The following ADPRH variants were observed in gnomAD, a reference collection of about 807,000 sequenced individuals.
The protein encoded by ADPRH is ADP-ribose-L-arginine cleaving enzyme.
In ADPRH, 27 loss-of-function variants were observed where a neutral mutation model predicts 28.8. That is an observed-to-expected ratio of 0.94 (90% CI 0.69 to 1.29). The LOEUF (loss-of-function observed/expected upper bound fraction) is 1.29, where lower values mean the gene tolerates loss of function less well. Among genes scored for constraint, ADPRH ranks in the 50% most tolerant of loss-of-function variants. The pLI, the probability that ADPRH is intolerant of heterozygous loss-of-function variation, is 0.00. For missense variants in ADPRH, 419 were observed against 444.8 expected (o/e 0.94, Z 0.52); for synonymous variants, 161 against 166.9 (o/e 0.96, Z 0.27).
Position 119,589,365 on chromosome 3 carries a change from T to C in ADPRH, c.*1487T>C, listed in dbSNP as rs1034997335. The C allele has an allele frequency of 1.3e-5, 2 of 152,194 alleles. No individual in the cohort carries two copies. The highest frequency in any genetic ancestry group is 4.8e-5 in the African/African-American group (2 of 41,438). The allele number at this position is 152,194 out of a possible 1,614,324, so 9.4% of individuals were successfully genotyped here. On this transcript the variant is annotated 3_prime_UTR_variant, in exon 5 of 5. Coordinates refer to ENST00000357003, the MANE Select transcript of ADPRH (RefSeq NM_001125.4). ...TTCTCAGGGGTGGGAAGGAAGAGCG[T>C]CCCTTCCTTCTCCTTTTGAGAAAAC...
At chr3:119,586,689 G>T (rs1246187771) in intron 4 of ADPRH, 44 bp downstream of exon 4, 1 of 1,598,774 alleles carries the variant, frequency 6.3e-7, no homozygotes, top group South Asian at 1.1e-5. Flanking sequence ...GGTTGAATCT[G>T]TGCGTGTACA....
rs868109687 is a variant in ADPRH, at chr3:119,588,103, T to C, written c.*225T>C. On this transcript the variant is annotated 3_prime_UTR_variant, in exon 5 of 5. Transcript: ENST00000357003. ...GAGTCCTTTAGCTCAATTGATAGGG[T>C]CAGCGTCTCGCAAGCAAAAAATCTC... 8 of 391,318 alleles carry C rather than the reference T, an allele frequency of 2.0e-5. No individual in the cohort carries two copies. Among genetic ancestry groups the C allele is most frequent in the Middle Eastern group, 6.4e-4 (1 of 1,566 alleles). The allele number at this position is 391,318 out of a possible 1,614,324, so 24.2% of individuals were successfully genotyped here.
Position 119,582,158 on chromosome 3 carries a change from T to G in ADPRH, c.-12T>G. 1 of 1,548,630 alleles carries G rather than the reference T, an allele frequency of 6.5e-7. No individual in the cohort carries two copies. Among genetic ancestry groups the G allele is most frequent in the African/African-American group, 1.4e-5 (1 of 72,792 alleles). ...GACACCCTCTCCAGAGCCCAGCAAT[T>G]GTGAGGGACTGATGGAGAAGTATGT... On this transcript the variant is annotated 5_prime_UTR_variant, in exon 3 of 5. It adds an upstream start codon to the 5' untranslated region. Coordinates refer to ENST00000357003, the MANE Select transcript of ADPRH (RefSeq NM_001125.4).
chr3:119,583,203 T>C (rs2082424249), intron 3 of ADPRH, among the ~76,000 whole-genome samples: 1 of 152,134 alleles, frequency 6.6e-6, no homozygotes, highest in Non-Finnish European at 1.5e-5. Context: ...CATTCCAGCC[T>C]GAGTGACAAA....
chr3:119,588,051 A>G lies in ADPRH; in HGVS notation c.*173A>G, dbSNP rs1296795491. ...TTTTTCAGGCTCATCCTGTTCTTCC[A>G]GAATCTATCCCTTTTCTTACACTGA... On this transcript the variant is annotated 3_prime_UTR_variant, in exon 5 of 5. Transcript: ENST00000357003. The G allele has an allele frequency of 6.7e-6, 4 of 595,508 alleles. No individual in the cohort carries two copies. Among genetic ancestry groups the G allele is most frequent in the African/African-American group, 3.8e-5 (2 of 53,092 alleles). 36.9% of individuals were successfully genotyped at this position (595,508 alleles called of 1,614,324 possible). A position where few individuals can be genotyped will look rare whatever the true frequency, so the allele number is the denominator to read the frequency against.
intron 4 of ADPRH, 48 bp downstream of exon 4, chr3:119,586,693 G>A (rs376149882): frequency 3.2e-5 from 51 of 1,596,592 alleles, no homozygotes; most frequent in South Asian, 2.3e-4. Context: ...GAATCTGTGC[G>A]TGTACATCCA....
Position 119,587,628 on chromosome 3 carries a change from C to G in ADPRH, c.824C>G (p.Pro275Arg). The G allele has an allele frequency of 1.9e-6, 3 of 1,614,192 alleles. No individual in the cohort carries two copies. The highest frequency in any genetic ancestry group is 2.5e-6 in the Non-Finnish European group (3 of 1,180,020). Residue 275 changes from proline (P) to arginine (R), a missense_variant, in exon 5 of 5, where the codon CCC becomes CGC. Transcript: ENST00000357003. Reference protein sequence around the residue: ...GWGGSSGHDAPMIAYDAVLAA... With the variant: ...GWGGSSGHDARMIAYDAVLAA... ...GGTGGCAGCAGTGGGCACGATGCCCCCATGATTGCCTACGATGCTGTTCTT... is the reference window on the plus strand; with the variant it reads ...GGTGGCAGCAGTGGGCACGATGCCCGCATGATTGCCTACGATGCTGTTCTT...
At position 119,586,600 on chromosome 3, in the gene ADPRH, A is replaced by G. The variant is rs1019343750; in HGVS notation, c.614A>G (p.Tyr205Cys). The stretch of plus-strand genomic sequence containing the variant: ...GAGCTGCTACCAGAAGCTAAAAAGT[A>G]CATTGTCCAATCAGGCTACTTTGTA... Reference protein sequence around the residue: ...LMELLPEAKKYIVQSGYFVEE... With the variant: ...LMELLPEAKKCIVQSGYFVEE... The change falls in exon 4 of 5, where the codon TAC becomes TGC. Residue 205 changes from tyrosine to cysteine, a missense_variant. By Grantham distance (194) the Tyr-to-Cys change is radical. Coordinates refer to ENST00000357003, the MANE Select transcript of ADPRH (RefSeq NM_001125.4). 6.2e-7 allele frequency: 1 copy of G among 1,614,176 alleles called. No individual in the cohort carries two copies. The highest frequency in any genetic ancestry group is 8.5e-7 in the Non-Finnish European group (1 of 1,180,012).
intron 3 of ADPRH, 101 bp downstream of exon 3, chr3:119,582,568 G>A: frequency 3.8e-6 from 5 of 1,303,938 alleles, no homozygotes; most frequent in South Asian, 2.9e-5. Flanking sequence ...AGAGACAATA[G>A]TGTTTGTAAA....
rs1433687161 is a variant in ADPRH, at chr3:119,586,654, G to A, written c.659+9G>A. On this transcript the variant is annotated intron_variant, in intron 4 of 4. Coordinates refer to ENST00000357003, the MANE Select transcript of ADPRH (RefSeq NM_001125.4). Reference sequence around the variant, plus strand: ...GAAAATCTTCAACACTGGTGAGTCTGTAAGCGCACGCCCTGCTCAAACACG... The same window carrying A: ...GAAAATCTTCAACACTGGTGAGTCTATAAGCGCACGCCCTGCTCAAACACG... 1.2e-6 allele frequency: 2 copies of A among 1,612,028 alleles called. No homozygotes were observed. The highest frequency in any genetic ancestry group is 1.3e-5 in the African/African-American group (1 of 74,782).
At chr3:119,587,063 C>T (rs2082468841) in intron 4 of ADPRH, among the ~76,000 whole-genome samples, 1 of 152,218 alleles carries the variant, frequency 6.6e-6, no homozygotes, top group Non-Finnish European at 1.5e-5. Flanking sequence ...CACATCTTCC[C>T]CTTCTCGTGA....
At chr3:119,583,651 C>A (rs1232985720) in intron 3 of ADPRH, among the ~76,000 whole-genome samples, 1 of 152,150 alleles carries the variant, frequency 6.6e-6, no homozygotes, top group Admixed American at 6.5e-5. Flanking sequence ...GTGGCTTACA[C>A]CTGTAATCCC....
chr3:119,582,219 T>A lies in ADPRH; in HGVS notation c.50T>A (p.Leu17Gln), dbSNP rs761975944. ...GTGCTGAGTGCAGCTGGAGATGCCCTGGGGTACTACAATGGGAAGTGGGAG... is the reference window on the plus strand; with the variant it reads ...GTGCTGAGTGCAGCTGGAGATGCCCAGGGGTACTACAATGGGAAGTGGGAG... Reference protein sequence around the residue: ...AMVLSAAGDALGYYNGKWEFL... With the variant: ...AMVLSAAGDAQGYYNGKWEFL... The change falls in exon 3 of 5, where the codon CTG (leucine) becomes CAG (glutamine). Residue 17 changes from leucine (L) to glutamine (Q), a missense_variant. Transcript: ENST00000357003. 1 of 1,614,086 alleles carries A rather than the reference T, an allele frequency of 6.2e-7. No individual in the cohort carries two copies. The highest frequency in any genetic ancestry group is 1.1e-5 in the South Asian group (1 of 91,076).
intron 3 of ADPRH, among the ~76,000 whole-genome samples, chr3:119,585,927 T>A (rs1375106692): frequency 1.3e-5 from 2 of 152,236 alleles, no homozygotes; most frequent in Non-Finnish European, 2.9e-5. Flanking sequence ...ACTAACTAGC[T>A]GATTATGTGA....
intron 1 of ADPRH, chr3:119,580,059 A>G (rs143911410): frequency 3.7e-4 from 56 of 152,414 alleles, no homozygotes; most frequent in Admixed American, 1.0e-3. Context: ...GTGACCCGTG[A>G]AAGTTCAGAG....
At position 119,588,004 on chromosome 3, in the gene ADPRH, C is replaced by T; in HGVS notation, c.*126C>T. The stretch of plus-strand genomic sequence containing the variant: ...TCAGGGAATTTTGAGATAACAAGTC[C>T]CTTGGGCACCTTAAGCTCAGTTTTT... On this transcript the variant is annotated 3_prime_UTR_variant, in exon 5 of 5. Transcript: ENST00000357003. 1 of 1,048,476 alleles carries T rather than the reference C, an allele frequency of 9.5e-7. No individual in the cohort carries two copies. The highest frequency in any genetic ancestry group is 1.3e-6 in the Non-Finnish European group (1 of 752,480). 64.9% of individuals were successfully genotyped at this position (1,048,476 alleles called of 1,614,324 possible).
At position 119,582,561 on chromosome 3, in the gene ADPRH, G is replaced by A; in HGVS notation, c.298+94G>A. On this transcript the variant is annotated intron_variant, in intron 3 of 4. Transcript: ENST00000357003. ...TGTTGATGGAGATTTAAATAACAGA[G>A]ACAATAGTGTTTGTAAATGTGATAA... The A allele has an allele frequency of 2.3e-6, 3 of 1,309,792 alleles. No individual in the cohort carries two copies. In the Admixed American group the frequency reaches 6.6e-5, roughly 29 times the overall value. 81.1% of individuals were successfully genotyped at this position (1,309,792 alleles called of 1,614,324 possible). A position where few individuals can be genotyped will look rare whatever the true frequency, so the allele number is the denominator to read the frequency against.
chr3:119,582,599 C>A, intron 3 of ADPRH, 132 bp downstream of exon 3: 1 of 1,107,534 alleles, frequency 9.0e-7, no homozygotes, highest in Non-Finnish European at 1.3e-6. Context: ...ATAGAAATAA[C>A]GGCCATGGTG....
At chr3:119,586,709 A>C (rs2082465323) in intron 4 of ADPRH, 64 bp downstream of exon 4, 2 of 1,581,522 alleles carry the variant, frequency 1.3e-6, no homozygotes, top group Non-Finnish European at 1.7e-6. Flanking sequence ...ATCCACCTGC[A>C]CATATATGTC....
Sources: gnomAD v4.1 joint callset for allele counts (sites outside exome capture counted in the v4.1 genomes callset) on GRCh38, gnomAD v4.1.1 for gene constraint, MANE v1.5 for transcripts, NCBI Gene and HGNC (gene_info 2026-07-23, HGNC 2026-07-21) for gene names.